Variants in CAMK1D observed in about 807,000 individuals in gnomAD.
CAMK1D encodes calcium/calmodulin-dependent protein kinase type 1D.
CAMK1D carries 9 observed loss-of-function variants against 47.7 expected under a neutral mutation model. That is an observed-to-expected ratio of 0.19 (90% confidence interval 0.11 to 0.33). The LOEUF (loss-of-function observed/expected upper bound fraction) is 0.33. Among genes scored for constraint, CAMK1D ranks in the 10% least tolerant of loss-of-function variants. The pLI is 1.00. For synonymous variants in CAMK1D, 184 were observed against 184.9 expected, an observed-to-expected ratio of 0.99 and a Z score of 0.04; for missense variants, 291 against 488.7, an observed-to-expected ratio of 0.60 and a Z score of 3.81.
intron 1 of CAMK1D, among the ~76,000 whole-genome samples, chr10:12,454,068 C>G (rs749872530): frequency 3.9e-5 from 6 of 152,180 alleles, no homozygotes; most frequent in Non-Finnish European, 7.3e-5. Context: ...TCCAGTTTTT[C>G]TTGCTTCTAG....
rs545252671 is a variant in CAMK1D at position 12,834,433 on chromosome 10, A to C, written c.*5546A>C. ...GAGCTCCGCTTTTGCAAACCCAAAA[A>C]GGCTGTGCATTTGGAAGCCAAACGC... On this transcript the variant is annotated 3_prime_UTR_variant, in exon 11 of 11. Coordinates refer to ENST00000619168, the MANE Select transcript of CAMK1D (RefSeq NM_153498.4). 2 of 151,966 alleles carry C rather than the reference A, an allele frequency of 1.3e-5. No homozygotes were observed. The highest frequency in any genetic ancestry group is 2.9e-5 in the Non-Finnish European group (2 of 68,022). The allele number at this position is 151,966 out of a possible 1,614,324, so 9.4% of individuals were successfully genotyped here.
intron 1 of CAMK1D, among the ~76,000 whole-genome samples, chr10:12,536,494 G>C (rs576716525): frequency 1.3e-5 from 2 of 152,234 alleles, no homozygotes; most frequent in African/African-American, 4.8e-5. Flanking sequence ...GGCCAGGCTG[G>C]CCTCGCTCTC....
chr10:12,818,279 A>G (rs958754494), intron 8 of CAMK1D, among the ~76,000 whole-genome samples: 1 of 152,176 alleles, frequency 6.6e-6, no homozygotes, highest in African/African-American at 2.4e-5. Context: ...TTGAGTCTCT[A>G]TTATATTCCA....
At chr10:12,680,762 GA>G (rs1374353120) in intron 3 of CAMK1D, among the ~76,000 whole-genome samples, 1 of 151,884 alleles carries the variant, frequency 6.6e-6, no homozygotes, top group Non-Finnish European at 1.5e-5. Context: ...GCTACATCCG[GA>G]TGATTAATTT....
chr10:12,356,920 G>A (rs1162346847), intron 1 of CAMK1D, among the ~76,000 whole-genome samples: 4 of 152,094 alleles, frequency 2.6e-5, no homozygotes, highest in African/African-American at 9.7e-5. Flanking sequence ...GCTGGTGCCA[G>A]GTGGAGATTT....
intron 1 of CAMK1D, among the ~76,000 whole-genome samples, chr10:12,413,112 T>C (rs547221055): frequency 1.3e-5 from 2 of 152,316 alleles, no homozygotes; most frequent in South Asian, 2.1e-4. Context: ...AATTGGCTCA[T>C]GGTTCTGCAG....
intron 1 of CAMK1D, among the ~76,000 whole-genome samples, chr10:12,448,197 TTTTA>T (rs796671850): frequency 3.2e-4 from 49 of 151,310 alleles, no homozygotes; most frequent in African/African-American, 1.1e-3. Flanking sequence ...TTTTACTTAT[TTTTA>T]TTTATTTATT....
At chr10:12,672,896 C>CTTTTTTTTTTTTTTTTTTTTT (rs750447013) in intron 3 of CAMK1D, among the ~76,000 whole-genome samples, 12 of 76,500 alleles carry the variant, frequency 1.6e-4, no homozygotes, top group South Asian at 4.7e-4. Flanking sequence ...ATAGGCTTGC[C>CTTTTTTTTTTTTTTTTTTTTT]TTTTTTTTTT....
chr10:12,675,894 C>T (rs755620084), intron 3 of CAMK1D, among the ~76,000 whole-genome samples: 4 of 152,140 alleles, frequency 2.6e-5, no homozygotes, highest in Non-Finnish European at 5.9e-5. Flanking sequence ...CCACAGGGCC[C>T]TTGTTTCTGA....
chr10:12,599,153 GCTAA>G (rs773559534), intron 2 of CAMK1D, among the ~76,000 whole-genome samples: 3 of 152,142 alleles, frequency 2.0e-5, no homozygotes, highest in Non-Finnish European at 4.4e-5. Flanking sequence ...GAACAGTTAG[GCTAA>G]CTGAGTATCT....
At chr10:12,749,187 A>G (rs567576578) in intron 3 of CAMK1D, among the ~76,000 whole-genome samples, 3 of 152,360 alleles carry the variant, frequency 2.0e-5, no homozygotes, top group East Asian at 1.9e-4. Flanking sequence ...ATTTCAGGAC[A>G]GTAATTCACA....
chr10:12,481,428 CTT>C (rs1834061952), intron 1 of CAMK1D, among the ~76,000 whole-genome samples: 1 of 152,184 alleles, frequency 6.6e-6, no homozygotes, highest in Non-Finnish European at 1.5e-5. Context: ...ACCAAACTAT[CTT>C]TGAAAAACCG....
intron 2 of CAMK1D, among the ~76,000 whole-genome samples, chr10:12,574,780 T>C (rs1450976615): frequency 6.6e-6 from 1 of 152,176 alleles, no homozygotes; most frequent in African/African-American, 2.4e-5. Context: ...CTTCTGCTTC[T>C]GGGGATGCCT....
At chr10:12,630,270 C>T (rs1839338130) in intron 2 of CAMK1D, among the ~76,000 whole-genome samples, 1 of 152,142 alleles carries the variant, frequency 6.6e-6, no homozygotes, top group Admixed American at 6.5e-5. Flanking sequence ...GACCTTCTCT[C>T]TTTTGTTTCC....
At chr10:12,743,448 C>T (rs7097739) in intron 3 of CAMK1D, among the ~76,000 whole-genome samples, 1,836 of 152,002 alleles carry the variant, frequency 0.012, 39 homozygotes, top group African/African-American at 0.042. Flanking sequence ...TCATTTGTCA[C>T]ATTTCTGCTC....
intron 6 of CAMK1D, among the ~76,000 whole-genome samples, chr10:12,793,756 A>G (rs1235269687): frequency 6.6e-6 from 1 of 152,226 alleles, no homozygotes; most frequent in Non-Finnish European, 1.5e-5. Flanking sequence ...AGCAGTTGAC[A>G]GTGGGGAGAA....
At chr10:12,521,241 T>C (rs1835407100) in intron 1 of CAMK1D, among the ~76,000 whole-genome samples, 1 of 152,208 alleles carries the variant, frequency 6.6e-6, no homozygotes, top group Non-Finnish European at 1.5e-5. Flanking sequence ...TTCTTATTTC[T>C]CATATAAGCA....
At chr10:12,583,095 A>C (rs1837710897) in intron 2 of CAMK1D, among the ~76,000 whole-genome samples, 2 of 152,186 alleles carry the variant, frequency 1.3e-5, no homozygotes, top group Non-Finnish European at 2.9e-5. Flanking sequence ...TTCTGTCTCA[A>C]AAACAAAAAC....
intron 6 of CAMK1D, among the ~76,000 whole-genome samples, chr10:12,806,894 C>A (rs554108581): frequency 6.6e-6 from 1 of 152,062 alleles, no homozygotes; most frequent in African/African-American, 2.4e-5. Flanking sequence ...GGGGCTGTGG[C>A]GGTCTGGCTA....
Sources: allele counts gnomAD v4.1 joint callset (sites outside exome capture counted in the v4.1 genomes callset), GRCh38; gene constraint gnomAD v4.1.1; transcripts MANE v1.5; gene names NCBI Gene and HGNC (gene_info 2026-07-23, HGNC 2026-07-21).